Variants in TENM3 observed in about 807,000 individuals in gnomAD.
TENM3 encodes the protein teneurin transmembrane protein 3.
A neutral mutation model predicts 255.1 loss-of-function variants in TENM3; 63 were observed. The ratio of observed to expected loss-of-function variants is 0.25; its 90% CI spans 0.20 to 0.30. The LOEUF (loss-of-function observed/expected upper bound fraction) is 0.30, where lower values mean the gene tolerates loss of function less well. Ranked by LOEUF, TENM3 falls within the 10% of genes least tolerant of loss-of-function variation. The probability of loss-of-function intolerance (pLI) is 1.00; values close to 1 mark genes in which losing one functional copy is unlikely to be tolerated. For missense variants in TENM3, 2,929 were observed against 3,461.1 expected (o/e 0.85, Z 3.86); for synonymous variants, 1,306 against 1,322.3 (o/e 0.99, Z 0.27).
chr4:182,326,292 G>T (rs1021944017), intron 2 of TENM3, among the ~76,000 whole-genome samples: 1 of 152,200 alleles, frequency 6.6e-6, no homozygotes, highest in African/African-American at 2.4e-5. Flanking sequence ...GCAGGTGTGT[G>T]AGGCAGCTCC....
intron 25 of TENM3, among the ~76,000 whole-genome samples, chr4:182,790,073 A>G (rs1488794295): frequency 6.6e-6 from 1 of 152,212 alleles, no homozygotes; most frequent in Non-Finnish European, 1.5e-5. Context: ...AATGAAAGTA[A>G]AAGAAAGGGA....
the TENM3 span, among the ~76,000 whole-genome samples, chr4:181,690,619 C>G: frequency 3.2e-3 from 480 of 151,236 alleles, 8 homozygotes; most frequent in Admixed American, 0.025. Context: ...TTTGCTCATT[C>G]AAACCAGAGA....
chr4:182,009,962 T>C, the TENM3 span, among the ~76,000 whole-genome samples: 1 of 152,126 alleles, frequency 6.6e-6, no homozygotes, highest in Non-Finnish European at 1.5e-5. Flanking sequence ...CCCTTTCCCA[T>C]GTGGCTCTCA....
the TENM3 span, among the ~76,000 whole-genome samples, chr4:182,039,029 G>A: frequency 2.0e-5 from 3 of 152,112 alleles, no homozygotes; most frequent in East Asian, 1.9e-4. Context: ...CCCTGCGCCC[G>A]GCCATAAAAT....
At chr4:181,529,176 C>T in the TENM3 span, among the ~76,000 whole-genome samples, 3 of 152,208 alleles carry the variant, frequency 2.0e-5, no homozygotes, top group Non-Finnish European at 2.9e-5. Context: ...GATCTTCCAG[C>T]TGTTAGTGCA....
chr4:182,241,518 C>CTTTTTTTTTTTT (rs982739950), upstream of TENM3, among the ~76,000 whole-genome samples: 159 of 114,268 alleles, frequency 1.4e-3, 1 homozygote, highest in African/African-American at 2.5e-3. Context: ...TTTTTTCTTT[C>CTTTTTTTTTTTT]TTTTTTTTTT....
intron 1 of TENM3, among the ~76,000 whole-genome samples, chr4:182,161,412 T>C (rs1751170390): frequency 3.8e-5 from 1 of 26,256 alleles, no homozygotes; most frequent in Non-Finnish European, 6.7e-5. Flanking sequence ...CGAGACTCCG[T>C]CTCAAAAAAA....
rs562633396 is a variant in TENM3, at chr4:182,738,227, TA to T, written c.3236-165del. On this transcript the variant is annotated intron_variant, in intron 17 of 27. Transcript: ENST00000511685. ...AAAATAATATTTGGAGATCTTTTTT[TA>T]AAAAAAAATCTTTGGTGAAATCTTC... 5.9e-5 allele frequency among the ~76,000 whole-genome samples: 9 copies of T among 151,884 alleles called. 2 individuals carry two copies. The highest frequency in any genetic ancestry group is 2.2e-4 in the African/African-American group (9 of 41,410).
At chr4:181,645,150 C>T in the TENM3 span, among the ~76,000 whole-genome samples, 1,339 of 152,074 alleles carry the variant, frequency 8.8e-3, 7 homozygotes, top group South Asian at 0.03. Flanking sequence ...TTTTCTAGGG[C>T]GAAAAATGAA....
the TENM3 span, among the ~76,000 whole-genome samples, chr4:182,069,257 T>C: frequency 6.6e-6 from 1 of 152,212 alleles, no homozygotes; most frequent in Non-Finnish European, 1.5e-5. Flanking sequence ...GAGAGCTGAA[T>C]ATTCCTATTT....
At chr4:181,882,121 C>A in the TENM3 span, among the ~76,000 whole-genome samples, 4 of 152,164 alleles carry the variant, frequency 2.6e-5, no homozygotes, top group African/African-American at 9.7e-5. Context: ...TGAGTCCCCC[C>A]CGTTCGCCTG....
chr4:182,244,242 C>G (rs376285510), intron 1 of TENM3, among the ~76,000 whole-genome samples: 1 of 152,020 alleles, frequency 6.6e-6, no homozygotes, highest in Non-Finnish European at 1.5e-5. Flanking sequence ...CGTGAGCCAC[C>G]GCGCCCGGCC....
At chr4:182,035,380 T>A in the TENM3 span, among the ~76,000 whole-genome samples, 1 of 152,220 alleles carries the variant, frequency 6.6e-6, no homozygotes, top group Non-Finnish European at 1.5e-5. Flanking sequence ...GTAATGTTAT[T>A]GTAATCAGTA....
rs372561354 is a variant in TENM3 at position 182,636,668 on chromosome 4, G to T, written c.988+7779G>T. 4.6e-5 allele frequency among the ~76,000 whole-genome samples: 7 copies of T among 151,100 alleles called. No individual in the cohort carries two copies. In the East Asian group the frequency reaches 7.8e-4, roughly 17 times the overall value. ...GGAGGCAGAGGTTGCAGCGAGCAGAGATCGCGCCACCGTACTCCAGCCTGG... is the reference window on the plus strand; with the variant it reads ...GGAGGCAGAGGTTGCAGCGAGCAGATATCGCGCCACCGTACTCCAGCCTGG... On this transcript the variant is annotated intron_variant, in intron 5 of 27. Transcript: ENST00000511685.
chr4:181,596,761 A>G, the TENM3 span, among the ~76,000 whole-genome samples: 1 of 152,194 alleles, frequency 6.6e-6, no homozygotes, highest in Admixed American at 6.5e-5. Flanking sequence ...ATAAAAAAGA[A>G]TGAGATCATG....
chr4:182,054,396 AC>A, the TENM3 span, among the ~76,000 whole-genome samples: 1 of 152,212 alleles, frequency 6.6e-6, no homozygotes, highest in Non-Finnish European at 1.5e-5. Context: ...GCAACAGCTT[AC>A]GTGAAACAAA....
chr4:181,989,954 C>T, the TENM3 span, among the ~76,000 whole-genome samples: 1 of 152,128 alleles, frequency 6.6e-6, no homozygotes, highest in African/African-American at 2.4e-5. Flanking sequence ...CTTGCTGAAA[C>T]CAGCCTAGGT....
At chr4:181,721,438 T>C in the TENM3 span, among the ~76,000 whole-genome samples, 1 of 70,810 alleles carries the variant, frequency 1.4e-5, no homozygotes, top group Non-Finnish European at 3.7e-5. Flanking sequence ...CTACTAAAAA[T>C]ACAAAAAAAA....
the TENM3 span, among the ~76,000 whole-genome samples, chr4:181,686,310 C>G: frequency 1.3e-5 from 2 of 152,082 alleles, no homozygotes; most frequent in Non-Finnish European, 2.9e-5. Context: ...GTGATAATTC[C>G]TTGTTTCAGA....
Sources: allele counts gnomAD v4.1 joint callset (sites outside exome capture counted in the v4.1 genomes callset), GRCh38; gene constraint gnomAD v4.1.1; transcripts MANE v1.5; gene names NCBI Gene and HGNC (gene_info 2026-07-23, HGNC 2026-07-21).